Variants in IGF1 observed in about 807,000 individuals in gnomAD.
IGF1 encodes the protein insulin like growth factor 1.
Under a neutral mutation model 13.8 loss-of-function variants are expected in IGF1, and 4 were observed. That is an observed-to-expected ratio of 0.29 (90% CI 0.14 to 0.66). The LOEUF is 0.66. IGF1 is among the 30% of genes least tolerant of loss of function. IGF1 has a pLI of 0.78. For synonymous variants in IGF1, 76 were observed against 72.6 expected (o/e 1.05, Z -0.23); for missense variants, 124 against 188.5 (o/e 0.66, Z 2.00).
In IGF1 at chr12:102,434,146, C is replaced by CT. The variant is rs549090422; in HGVS notation, c.221-14457dup. ...GGGCATTTCAAAAGTACAGTCATCT[C>CT]TTTTTTTTTTTTTTTATTATACTTT... is the stretch of plus-strand genomic sequence containing the variant. On this transcript the variant is annotated intron_variant, in intron 2 of 3. Coordinates refer to ENST00000337514, the MANE Select transcript of IGF1 (RefSeq NM_000618.5). 3.0e-3 allele frequency among the ~76,000 whole-genome samples: 422 copies of CT among 139,080 alleles called. 3 individuals are homozygous for CT. Among genetic ancestry groups the CT allele is most frequent in the South Asian group, 6.8e-3 (30 of 4,386 alleles). 91.2% of individuals were successfully genotyped at this position (139,080 alleles called of 152,430 possible). A position where few individuals can be genotyped will look rare whatever the true frequency, so the allele number is the denominator to read the frequency against.
intron 2 of IGF1, among the ~76,000 whole-genome samples, chr12:102,428,685 G>A (rs893443093): frequency 6.6e-5 from 10 of 152,146 alleles, no homozygotes; most frequent in Non-Finnish European, 1.0e-4. Context: ...TCACAAAGCC[G>A]CATCTTCATA....
At chr12:102,441,723 G>A (rs937431303) in intron 2 of IGF1, among the ~76,000 whole-genome samples, 9 of 152,138 alleles carry the variant, frequency 5.9e-5, no homozygotes, top group African/African-American at 2.2e-4. Context: ...TTATACATAT[G>A]CTGTATCATT....
At chr12:102,481,383 GT>G (rs1652358393), upstream of IGF1, among the ~76,000 whole-genome samples, 13 of 150,614 alleles carry the variant, frequency 8.6e-5, 1 homozygote, top group Admixed American at 1.3e-4. Context: ...GTGTGTGTGT[GT>G]GTGTATGACA....
chr12:102,427,779 C>T (rs766899863), intron 2 of IGF1, among the ~76,000 whole-genome samples: 12 of 152,180 alleles, frequency 7.9e-5, no homozygotes, highest in South Asian at 2.1e-4. Flanking sequence ...TTGGCACTGT[C>T]GCAGAGAAGG....
chr12:102,442,940 TAGGG>T (rs1234464091), intron 2 of IGF1, among the ~76,000 whole-genome samples: 1 of 152,056 alleles, frequency 6.6e-6, no homozygotes, highest in Non-Finnish European at 1.5e-5. Context: ...AGGAACCTAA[TAGGG>T]AGGTGTTATT....
chr12:102,400,505 GT>G lies in IGF1; in HGVS notation c.*2001del, dbSNP rs1432879273. 1 of 152,096 alleles carries G rather than the reference GT, an allele frequency of 6.6e-6. No individual in the cohort carries two copies. Among genetic ancestry groups the G allele is most frequent in the African/African-American group, 2.4e-5 (1 of 41,424 alleles). The allele number at this position is 152,096 out of a possible 1,614,324, so 9.4% of individuals were successfully genotyped here. The stretch of plus-strand genomic sequence containing the variant: ...TGGGAAATTTCTTGTTGTGATGGAA[GT>G]TTTTGCCTTTCAACTGGAAACTCTA... On this transcript the variant is annotated 3_prime_UTR_variant, in exon 4 of 4. Transcript: ENST00000337514.
intron 2 of IGF1, among the ~76,000 whole-genome samples, chr12:102,447,751 C>T (rs1414087898): frequency 6.6e-6 from 1 of 152,142 alleles, no homozygotes; most frequent in African/African-American, 2.4e-5. Context: ...CGCTTCCTTA[C>T]ATCTTATACA....
upstream of IGF1, among the ~76,000 whole-genome samples, chr12:102,481,333 C>G (rs1881378912): frequency 6.8e-6 from 1 of 147,802 alleles, no homozygotes; most frequent in African/African-American, 2.5e-5. Context: ...TTGAATTTTC[C>G]ATATAACTCA....
At position 102,398,972 on chromosome 12, in the gene IGF1, C is replaced by T. The variant is rs1873453227; in HGVS notation, c.*3535G>A. ...GCCACAGAGCATGAGATGGTTTCAT[C>T]TACACAAACATTGACGTTCCAAGGA... On this transcript the variant is annotated 3_prime_UTR_variant, in exon 4 of 4. Coordinates refer to ENST00000337514, the MANE Select transcript of IGF1 (RefSeq NM_000618.5). 1 of 152,500 alleles carries T rather than the reference C, an allele frequency of 6.6e-6. No individual in the cohort carries two copies. 9.4% of individuals were successfully genotyped at this position (152,500 alleles called of 1,614,324 possible).
chr12:102,398,716 A>G lies in IGF1; in HGVS notation c.*3791T>C, dbSNP rs1029417095. 6.6e-6 allele frequency: 1 copy of G among 152,128 alleles called. No individual in the cohort carries two copies. The highest frequency in any genetic ancestry group is 1.5e-5 in the Non-Finnish European group (1 of 68,022). 9.4% of individuals were successfully genotyped at this position (152,128 alleles called of 1,614,324 possible). On this transcript the variant is annotated 3_prime_UTR_variant, in exon 4 of 4. Coordinates refer to ENST00000337514, the MANE Select transcript of IGF1 (RefSeq NM_000618.5). The stretch of plus-strand genomic sequence containing the variant: ...GTGGTGGCTAGATAGACCTAATGCT[A>G]TTTTATTAAGCCATCTATCTATAGA...
At chr12:102,441,930 T>TCTTCTTCTTCTTCTCCTTCTCCTTCTC (rs1877822682) in intron 2 of IGF1, among the ~76,000 whole-genome samples, 1 of 131,800 alleles carries the variant, frequency 7.6e-6, no homozygotes, top group Admixed American at 8.7e-5. Flanking sequence ...TTCTTCTTCT[T>TCTTCTTCTTCTTCTCCTTCTCCTTCTC]CTTCTTCTTC....
chr12:102,431,795 T>C (rs1005011772), intron 2 of IGF1, among the ~76,000 whole-genome samples: 2 of 152,196 alleles, frequency 1.3e-5, no homozygotes, highest in African/African-American at 4.8e-5. Flanking sequence ...GCACAGAGTT[T>C]TATCCTAGGT....
At chr12:102,417,893 G>A in intron 3 of IGF1, 1 of 1,613,716 alleles carries the variant, frequency 6.2e-7, no homozygotes, top group Non-Finnish European at 8.5e-7. Context: ...TCTTTCCTCT[G>A]ATCTGCAGAC....
chr12:102,419,465 A>T, intron 3 of IGF1, 44 bp downstream of exon 3: 4 of 1,591,898 alleles, frequency 2.5e-6, no homozygotes, highest in Non-Finnish European at 3.4e-6. Flanking sequence ...TGCACAAGAG[A>T]GAGACCACTT....
At chr12:102,455,533 C>A (rs556027225) in intron 2 of IGF1, among the ~76,000 whole-genome samples, 7 of 152,300 alleles carry the variant, frequency 4.6e-5, no homozygotes. Flanking sequence ...ACAGCGAAAC[C>A]AGAATAGGGC....
chr12:102,441,906 G>GCTGCTGCTTCTTCTT lies in IGF1; in HGVS notation c.221-22217_221-22216insAAGAAGAAGCAGCAG. 3.7e-3 allele frequency among the ~76,000 whole-genome samples: 368 copies of GCTGCTGCTTCTTCTT among 100,286 alleles called. 15 individuals are homozygous for GCTGCTGCTTCTTCTT. The highest frequency in any genetic ancestry group is 8.8e-3 in the Middle Eastern group (2 of 226). The allele number at this position is 100,286 out of a possible 152,430, so 65.8% of individuals were successfully genotyped here. A position where few individuals can be genotyped will look rare whatever the true frequency, so the allele number is the denominator to read the frequency against. ...GAGCACTAAGTCATTCTATTACACT[G>GCTGCTGCTTCTTCTT]CTTCTTCTCCTTCTTCTTCTTCTTC... On this transcript the variant is annotated intron_variant, in intron 2 of 3. Coordinates refer to ENST00000337514, the MANE Select transcript of IGF1 (RefSeq NM_000618.5).
At chr12:102,425,972 T>A (rs1876164916) in intron 2 of IGF1, among the ~76,000 whole-genome samples, 2 of 152,332 alleles carry the variant, frequency 1.3e-5, no homozygotes, top group Non-Finnish European at 2.9e-5. Flanking sequence ...TTTATCAACG[T>A]CTAAGGTGAA....
intron 2 of IGF1, among the ~76,000 whole-genome samples, chr12:102,438,180 G>T (rs1449165217): frequency 6.6e-6 from 1 of 152,158 alleles, no homozygotes; most frequent in Non-Finnish European, 1.5e-5. Context: ...CGTGACCAGG[G>T]TCACAAGAGA....
rs754249317 is a variant in IGF1, at chr12:102,396,052, GA to G, written c.*6454del. 6.6e-6 allele frequency: 1 copy of G among 152,098 alleles called. No homozygotes were observed. Among genetic ancestry groups the G allele is most frequent in the African/African-American group, 2.4e-5 (1 of 41,424 alleles). The allele number at this position is 152,098 out of a possible 1,614,324, so 9.4% of individuals were successfully genotyped here. A position where few individuals can be genotyped will look rare whatever the true frequency, so the allele number is the denominator to read the frequency against. ...GATATTCCTCTGCCATAAGTGAATT[GA>G]ATAATAATTTCAAATACAATCAGAA... On this transcript the variant is annotated 3_prime_UTR_variant, in exon 4 of 4. Transcript: ENST00000337514.
Sources: allele counts gnomAD v4.1 joint callset (sites outside exome capture counted in the v4.1 genomes callset), GRCh38; gene constraint gnomAD v4.1.1; transcripts MANE v1.5; gene names NCBI Gene and HGNC (gene_info 2026-07-23, HGNC 2026-07-21).